CUBN: variants seen among roughly 807,000 people sequenced by gnomAD.
CUBN encodes the protein 460 kDa receptor.
Under a neutral mutation model 405.3 loss-of-function variants are expected in CUBN, and 282 were observed. That is an observed-to-expected ratio of 0.70 (90% confidence interval 0.63 to 0.77). The LOEUF (loss-of-function observed/expected upper bound fraction) is 0.77. CUBN is among the 30% of genes least tolerant of loss of function. The pLI is 0.00. For missense variants in CUBN, 4,514 were observed against 4,475.2 expected, an observed-to-expected ratio of 1.01 and a Z score of -0.25; for synonymous variants, 1,684 against 1,617.0, an observed-to-expected ratio of 1.04 and a Z score of -0.99.
intron 56 of CUBN, among the ~76,000 whole-genome samples, chr10:16,885,031 C>T (rs1337531490): frequency 1.3e-5 from 2 of 152,304 alleles, no homozygotes; most frequent in South Asian, 2.1e-4. Flanking sequence ...GAGCAATCCT[C>T]GGTTTCATCC....
intron 51 of CUBN, among the ~76,000 whole-genome samples, chr10:16,901,692 A>G (rs1219426063): frequency 2.0e-5 from 3 of 151,732 alleles, no homozygotes; most frequent in African/African-American, 7.3e-5. Flanking sequence ...CATCTCAACT[A>G]AAAATACAAA....
chr10:17,125,494 T>C (rs1484013079), intron 4 of CUBN, among the ~76,000 whole-genome samples: 1 of 152,202 alleles, frequency 6.6e-6, no homozygotes, highest in East Asian at 1.9e-4. Context: ...GCACAACAAT[T>C]GGCTCTGTCC....
At chr10:17,116,836 A>G (rs1270588912) in intron 6 of CUBN, among the ~76,000 whole-genome samples, 1 of 152,158 alleles carries the variant, frequency 6.6e-6, no homozygotes, top group Non-Finnish European at 1.5e-5. Context: ...GAAATGGAGA[A>G]TAAGAATGCA....
intron 58 of CUBN, among the ~76,000 whole-genome samples, chr10:16,871,799 A>G (rs1210749132): frequency 6.6e-6 from 1 of 152,212 alleles, no homozygotes; most frequent in Non-Finnish European, 1.5e-5. Flanking sequence ...TGAAAAGCCC[A>G]TTGACAGAAA....
chr10:17,103,588 C>T (rs1836549924), intron 12 of CUBN, among the ~76,000 whole-genome samples: 1 of 152,230 alleles, frequency 6.6e-6, no homozygotes, highest in African/African-American at 2.4e-5. Flanking sequence ...GGTCTTGTCT[C>T]CTCAGCTGCA....
intron 54 of CUBN, among the ~76,000 whole-genome samples, chr10:16,897,452 G>A (rs1354764805): frequency 6.6e-6 from 1 of 152,026 alleles, no homozygotes; most frequent in Non-Finnish European, 1.5e-5. Flanking sequence ...GCTACCTGAG[G>A]GACTCTGTGT....
chr10:16,888,390 G>A (rs200114090), intron 56 of CUBN, 27 bp downstream of exon 56: 98 of 1,586,896 alleles, frequency 6.2e-5, no homozygotes, highest in East Asian at 1.1e-4. Flanking sequence ...TCAATTAAAC[G>A]TAATTTTTTT....
intron 28 of CUBN, among the ~76,000 whole-genome samples, chr10:17,004,726 G>A (rs1381640285): frequency 1.3e-5 from 2 of 150,038 alleles, no homozygotes; most frequent in Non-Finnish European, 2.9e-5. Flanking sequence ...CTGGAGCGCA[G>A]TGGTGCCATC....
intron 31 of CUBN, among the ~76,000 whole-genome samples, chr10:16,959,172 G>A (rs1351484829): frequency 1.3e-5 from 2 of 152,138 alleles, no homozygotes; most frequent in Admixed American, 6.5e-5. Flanking sequence ...GAACTTGGAG[G>A]GGACACATTC....
chr10:16,889,104 A>G (rs938210312), intron 55 of CUBN, among the ~76,000 whole-genome samples: 4 of 152,226 alleles, frequency 2.6e-5, no homozygotes, highest in African/African-American at 9.6e-5. Context: ...ACAGAAAGAA[A>G]TATCTTTTCA....
chr10:16,937,523 T>C (rs899685560), intron 39 of CUBN, 69 bp downstream of exon 39: 3 of 1,343,968 alleles, frequency 2.2e-6, no homozygotes, highest in Non-Finnish European at 2.1e-6. Context: ...CCTGTTATGA[T>C]AGGATCCTTT....
intron 28 of CUBN, among the ~76,000 whole-genome samples, chr10:16,998,187 C>T (rs1264008625): frequency 1.3e-5 from 2 of 151,884 alleles, no homozygotes; most frequent in Non-Finnish European, 2.9e-5. Flanking sequence ...TTATGCCTAC[C>T]AGGAACCTGT....
chr10:16,965,949 G>C, intron 31 of CUBN: 1 of 471,156 alleles, frequency 2.1e-6, no homozygotes, highest in Non-Finnish European at 4.4e-6. Context: ...AACCCCATCT[G>C]TCTGACGTCC....
intron 54 of CUBN, among the ~76,000 whole-genome samples, chr10:16,896,685 G>A (rs72771395): frequency 0.012 from 1,880 of 152,248 alleles, 16 homozygotes; most frequent in Middle Eastern, 0.027. Context: ...TCAGCTTCTT[G>A]AACCTATAGG....
chr10:16,916,872 T>C (rs1399510856), intron 45 of CUBN, among the ~76,000 whole-genome samples: 1 of 150,972 alleles, frequency 6.6e-6, no homozygotes, highest in Non-Finnish European at 1.5e-5. Context: ...TAGAGTGCAG[T>C]GGCGCAATCT....
intron 28 of CUBN, among the ~76,000 whole-genome samples, chr10:17,008,284 C>A (rs946357012): frequency 2.3e-5 from 3 of 128,038 alleles, no homozygotes; most frequent in Non-Finnish European, 3.2e-5. Context: ...CTCTTGAGCA[C>A]TGAGAGTAAT....
chr10:16,984,726 T>G (rs1227539830), intron 29 of CUBN, among the ~76,000 whole-genome samples: 2 of 152,220 alleles, frequency 1.3e-5, no homozygotes, highest in African/African-American at 4.8e-5. Context: ...AGTCTTAGCA[T>G]AAAGCCATTT....
intron 48 of CUBN, among the ~76,000 whole-genome samples, chr10:16,909,359 CA>C (rs1332548403): frequency 1.3e-5 from 2 of 152,278 alleles, no homozygotes; most frequent in Non-Finnish European, 2.9e-5. Flanking sequence ...ATCTAATCAA[CA>C]AAACACCCTC....
intron 60 of CUBN, among the ~76,000 whole-genome samples, chr10:16,846,740 AG>A (rs1441159381): frequency 2.6e-5 from 4 of 151,126 alleles, no homozygotes; most frequent in African/African-American, 9.7e-5. Context: ...TGAATTCGGG[AG>A]GCAGAGGTTG....
Sources: gnomAD v4.1 joint callset for allele counts (sites outside exome capture counted in the v4.1 genomes callset) on GRCh38, gnomAD v4.1.1 for gene constraint, MANE v1.5 for transcripts, NCBI Gene and HGNC (gene_info 2026-07-23, HGNC 2026-07-21) for gene names.